Variants in CNOT6L observed in about 807,000 individuals in gnomAD.
CNOT6L encodes CCR4-NOT transcription complex subunit 6 like.
CNOT6L carries 7 observed loss-of-function variants against 64.0 expected under a neutral mutation model. The ratio of observed to expected loss-of-function variants is 0.11; its 90% CI spans 0.06 to 0.21. The LOEUF is 0.21. Ranked by LOEUF, CNOT6L falls within the 10% of genes least tolerant of loss-of-function variation. The pLI, the probability that CNOT6L is intolerant of heterozygous loss-of-function variation, is 1.00. For missense variants in CNOT6L, 245 were observed against 669.0 expected (o/e 0.37, Z 6.99); for synonymous variants, 193 against 243.4 (o/e 0.79, Z 1.93).
At chr4:77,819,444 C>G (rs1734049353), upstream of CNOT6L, 1 of 1,563,534 alleles carries the variant, frequency 6.4e-7, no homozygotes, top group Non-Finnish European at 8.6e-7. Context: ...GACGCAGACG[C>G]AAACACAAAC....
intron 1 of CNOT6L, among the ~76,000 whole-genome samples, chr4:77,779,136 C>T (rs1577976258): frequency 6.6e-6 from 1 of 151,174 alleles, no homozygotes; most frequent in Non-Finnish European, 1.5e-5. Context: ...ACGGCTCCCA[C>T]TAGATGGTAT....
At chr4:77,798,169 A>C (rs1731089663) in intron 1 of CNOT6L, among the ~76,000 whole-genome samples, 1 of 152,138 alleles carries the variant, frequency 6.6e-6, no homozygotes, top group Non-Finnish European at 1.5e-5. Flanking sequence ...TTTACAAAGT[A>C]ATACAAAATC....
chr4:77,744,082 T>C (rs1286471423), intron 7 of CNOT6L, among the ~76,000 whole-genome samples: 2 of 152,230 alleles, frequency 1.3e-5, no homozygotes, highest in Admixed American at 6.5e-5. Context: ...AAGCACTTAA[T>C]ATGTTTTGAA....
intron 4 of CNOT6L, among the ~76,000 whole-genome samples, chr4:77,757,240 C>A (rs1162360791): frequency 6.6e-6 from 1 of 152,168 alleles, no homozygotes; most frequent in African/African-American, 2.4e-5. Flanking sequence ...TTGAAGTAAT[C>A]CTATAGGTTC....
chr4:77,805,508 AGTACCT>A (rs1732114199), intron 1 of CNOT6L, among the ~76,000 whole-genome samples: 1 of 152,238 alleles, frequency 6.6e-6, no homozygotes, highest in African/African-American at 2.4e-5. Context: ...TAGTATTAGC[AGTACCT>A]GTGATTTCTG....
At chr4:77,798,257 A>G (rs1218541799) in intron 1 of CNOT6L, among the ~76,000 whole-genome samples, 3 of 152,198 alleles carry the variant, frequency 2.0e-5, no homozygotes, top group Non-Finnish European at 4.4e-5. Flanking sequence ...GCAGTGAGCT[A>G]TGATCGTACC....
chr4:77,780,004 T>C (rs1728684638), intron 1 of CNOT6L, among the ~76,000 whole-genome samples: 1 of 152,082 alleles, frequency 6.6e-6, no homozygotes, highest in Non-Finnish European at 1.5e-5. Context: ...TTCAGGAAAT[T>C]AACATTATTA....
intron 1 of CNOT6L, among the ~76,000 whole-genome samples, chr4:77,809,787 T>C (rs1045634324): frequency 3.9e-4 from 59 of 152,246 alleles, no homozygotes; most frequent in African/African-American, 1.3e-3. Context: ...TTAAGTAATA[T>C]GGGAAAGAGA....
At chr4:77,787,135 CG>C (rs1356106958) in intron 1 of CNOT6L, among the ~76,000 whole-genome samples, 1 of 151,966 alleles carries the variant, frequency 6.6e-6, no homozygotes, top group Non-Finnish European at 1.5e-5. Context: ...GGTGTGGTGG[CG>C]GGCACCTATA....
At chr4:77,773,406 T>C (rs967695849) in intron 3 of CNOT6L, among the ~76,000 whole-genome samples, 6 of 152,210 alleles carry the variant, frequency 3.9e-5, no homozygotes, top group African/African-American at 1.2e-4. Flanking sequence ...CACATTAAAG[T>C]TGGAGGTGTA....
At chr4:77,782,303 T>C (rs1468641046) in intron 1 of CNOT6L, among the ~76,000 whole-genome samples, 1 of 152,248 alleles carries the variant, frequency 6.6e-6, no homozygotes, top group African/African-American at 2.4e-5. Context: ...TGTGCCATTT[T>C]TGAAGTTTCT....
intron 5 of CNOT6L, among the ~76,000 whole-genome samples, chr4:77,751,846 CT>C (rs1724897498): frequency 6.6e-6 from 1 of 152,164 alleles, no homozygotes; most frequent in Non-Finnish European, 1.5e-5. Flanking sequence ...AAGGAAAACA[CT>C]TCCATTGCTA....
chr4:77,763,187 G>A (rs188445291), intron 4 of CNOT6L, among the ~76,000 whole-genome samples: 10 of 152,132 alleles, frequency 6.6e-5, no homozygotes, highest in South Asian at 4.2e-4. Flanking sequence ...ATAATTATAT[G>A]TAAGGCAACT....
At chr4:77,791,525 G>A (rs550804060) in intron 1 of CNOT6L, among the ~76,000 whole-genome samples, 2 of 152,212 alleles carry the variant, frequency 1.3e-5, no homozygotes, top group South Asian at 4.1e-4. Flanking sequence ...AAAGTTCAGT[G>A]TCCATTTAAA....
At chr4:77,747,130 T>C (rs547239890) in intron 6 of CNOT6L, among the ~76,000 whole-genome samples, 87 of 152,224 alleles carry the variant, frequency 5.7e-4, no homozygotes, top group African/African-American at 2.1e-3. Flanking sequence ...TCAAAATATA[T>C]ATAAAGTCTA....
At chr4:77,817,841 C>T (rs966012874) in intron 1 of CNOT6L, among the ~76,000 whole-genome samples, 5 of 152,212 alleles carry the variant, frequency 3.3e-5, no homozygotes, top group African/African-American at 1.2e-4. Flanking sequence ...AGGATCGAAA[C>T]TGTATTATGC....
In CNOT6L at chr4:77,765,091, G is replaced by A. The variant is rs145164232; in HGVS notation, c.400+7990C>T. Among the ~76,000 whole-genome samples, 804 of 152,264 alleles carry A rather than the reference G, an allele frequency of 5.3e-3. 7 individuals carry two copies. Among genetic ancestry groups the A allele is most frequent in the African/African-American group, 0.018 (757 of 41,546 alleles). On this transcript the variant is annotated intron_variant, in intron 4 of 11. Transcript: ENST00000504123. ...TAAAACAGGTTGCATAAAGAAGCCG[G>A]CTGAAACCCACCAAAATCAGGATGG...
chr4:77,747,758 A>G (rs1188429872), intron 6 of CNOT6L, among the ~76,000 whole-genome samples: 4 of 152,194 alleles, frequency 2.6e-5, no homozygotes, highest in Admixed American at 2.6e-4. Flanking sequence ...ATGCTAGATT[A>G]TATCCTTATA....
intron 3 of CNOT6L, among the ~76,000 whole-genome samples, chr4:77,773,795 TTAAAA>T (rs1577970646): frequency 6.6e-6 from 1 of 151,978 alleles, no homozygotes; most frequent in Non-Finnish European, 1.5e-5. Flanking sequence ...AACATAAATA[TTAAAA>T]TAAAGCATAG....
Sources: gnomAD v4.1 joint callset for allele counts (sites outside exome capture counted in the v4.1 genomes callset) on GRCh38, gnomAD v4.1.1 for gene constraint, MANE v1.5 for transcripts, NCBI Gene and HGNC (gene_info 2026-07-23, HGNC 2026-07-21) for gene names.